The following PICALM variants were observed in gnomAD, a reference collection of about 807,000 sequenced individuals.
PICALM encodes the protein phosphatidylinositol-binding clathrin assembly protein.
A neutral mutation model predicts 80.5 loss-of-function variants in PICALM; 40 were observed. That is an observed-to-expected ratio of 0.50 (90% CI 0.39 to 0.65). PICALM has a LOEUF of 0.65. PICALM is among the 30% of genes least tolerant of loss of function. The pLI is 0.00. For synonymous variants in PICALM, 288 were observed against 260.3 expected (o/e 1.11, Z -1.02); for missense variants, 676 against 778.9 (o/e 0.87, Z 1.57).
intron 3 of PICALM, among the ~76,000 whole-genome samples, chr11:86,023,023 C>T (rs1042395960): frequency 6.6e-6 from 1 of 152,098 alleles, no homozygotes; most frequent in African/African-American, 2.4e-5. Context: ...ATGAAACTTT[C>T]TAAATGAATA....
chr11:86,027,913 T>C (rs1368081332), intron 2 of PICALM, among the ~76,000 whole-genome samples: 3 of 152,184 alleles, frequency 2.0e-5, no homozygotes, highest in Non-Finnish European at 2.9e-5. Flanking sequence ...TATTTCACAA[T>C]TATCCTAAAA....
chr11:85,962,805 T>C (rs1341180171), intron 19 of PICALM, among the ~76,000 whole-genome samples: 2 of 152,190 alleles, frequency 1.3e-5, no homozygotes, highest in Non-Finnish European at 2.9e-5. Flanking sequence ...GATGAAACCA[T>C]AGCCAGGGCT....
chr11:85,984,284 T>C (rs897025320), intron 13 of PICALM, among the ~76,000 whole-genome samples: 1 of 152,092 alleles, frequency 6.6e-6, no homozygotes, highest in Non-Finnish European at 1.5e-5. Flanking sequence ...ACTAAACACA[T>C]CTAAAATTAC....
chr11:85,975,876 C>T (rs926067782), intron 18 of PICALM, among the ~76,000 whole-genome samples: 2 of 152,038 alleles, frequency 1.3e-5, no homozygotes, highest in Admixed American at 6.6e-5. Flanking sequence ...GGATTACAGG[C>T]GTAAGCCACC....
chr11:85,961,504 G>A (rs1419804052), intron 19 of PICALM, among the ~76,000 whole-genome samples: 1 of 152,114 alleles, frequency 6.6e-6, no homozygotes, highest in African/African-American at 2.4e-5. Flanking sequence ...ATACTGTAAG[G>A]CAAGTAAACA....
chr11:86,034,446 G>A (rs866001259), intron 1 of PICALM, among the ~76,000 whole-genome samples: 2 of 151,942 alleles, frequency 1.3e-5, no homozygotes, highest in African/African-American at 2.4e-5. Context: ...CACTTATCGG[G>A]GACTCTCAAT....
chr11:86,033,831 TG>T (rs2095799625), intron 1 of PICALM, among the ~76,000 whole-genome samples: 1 of 152,194 alleles, frequency 6.6e-6, no homozygotes, highest in African/African-American at 2.4e-5. Flanking sequence ...GGTATGCATA[TG>T]GGTATTCTTA....
chr11:86,033,249 C>T (rs759515006), intron 1 of PICALM, among the ~76,000 whole-genome samples: 3 of 148,538 alleles, frequency 2.0e-5, no homozygotes, highest in African/African-American at 7.5e-5. Context: ...CAATTTAATA[C>T]TATATAGTGC....
Position 86,018,799 on chromosome 11 carries a change from G to C in PICALM, c.452+3568C>G, listed in dbSNP as rs192217998. Among the ~76,000 whole-genome samples the C allele has an allele frequency of 2.1e-4, 32 of 152,050 alleles. No individual in the cohort carries two copies. The East Asian group carries it at 6.2e-3, about 29-fold the overall frequency. On this transcript the variant is annotated intron_variant, in intron 4 of 19. Transcript: ENST00000393346. ...AACTACTTGGGAGGCTGAGACAGAA[G>C]AATCGCTTGAACCCGGGAGGTGGAG...
intron 19 of PICALM, chr11:85,960,898 G>C (rs939606442): frequency 3.0e-6 from 1 of 330,552 alleles, no homozygotes; most frequent in African/African-American, 2.3e-5. Flanking sequence ...ATAAATATAA[G>C]GGCAGTCTTT....
At chr11:85,979,242 C>A (rs2094368772) in intron 17 of PICALM, among the ~76,000 whole-genome samples, 1 of 152,152 alleles carries the variant, frequency 6.6e-6, no homozygotes, top group South Asian at 2.1e-4. Flanking sequence ...GTAATCCCAG[C>A]ACTCTGGGAG....
intron 1 of PICALM, among the ~76,000 whole-genome samples, chr11:86,053,304 G>C (rs2096219938): frequency 6.6e-6 from 1 of 152,184 alleles, no homozygotes; most frequent in African/African-American, 2.4e-5. Context: ...AAGCTGCTCA[G>C]ACATGTCCAA....
chr11:86,006,266 G>A (rs568804326), intron 8 of PICALM, among the ~76,000 whole-genome samples: 2 of 152,236 alleles, frequency 1.3e-5, no homozygotes, highest in Admixed American at 6.5e-5. Context: ...TAGATTTATT[G>A]CATACTCTTA....
Position 86,001,170 on chromosome 11 carries a change from G to C in PICALM, c.894-12C>G, listed in dbSNP as rs1211778461. Reference sequence around the variant, plus strand: ...AAAGTGTAGTTGCCCTAGGATAATTGAACAGAGATAATTTGGCTTTTTGCT... The same window carrying C: ...AAAGTGTAGTTGCCCTAGGATAATTCAACAGAGATAATTTGGCTTTTTGCT... On this transcript the variant is annotated splice_polypyrimidine_tract_variant and intron_variant, in intron 9 of 19. Coordinates refer to ENST00000393346, the MANE Select transcript of PICALM (RefSeq NM_007166.4). 1 of 1,611,122 alleles carries C rather than the reference G, an allele frequency of 6.2e-7. No homozygotes were observed. The highest frequency in any genetic ancestry group is 2.2e-5 in the East Asian group (1 of 44,852).
At chr11:86,051,523 T>C (rs984891573) in intron 1 of PICALM, among the ~76,000 whole-genome samples, 1 of 152,114 alleles carries the variant, frequency 6.6e-6, no homozygotes, top group African/African-American at 2.4e-5. Flanking sequence ...TAGCCAGGCA[T>C]GGTAGCGTGC....
At chr11:86,015,446 A>G (rs549718483) in intron 4 of PICALM, among the ~76,000 whole-genome samples, 1 of 152,336 alleles carries the variant, frequency 6.6e-6, no homozygotes, top group Non-Finnish European at 1.5e-5. Flanking sequence ...CCCAACAGCA[A>G]TGGCTTTTAA....
At chr11:85,974,046 T>TAA (rs138658992) in intron 19 of PICALM, among the ~76,000 whole-genome samples, 8 of 145,474 alleles carry the variant, frequency 5.5e-5, no homozygotes, top group South Asian at 2.2e-4. Flanking sequence ...GGTAAAACAT[T>TAA]AAAAAAAAAA....
chr11:86,018,188 G>A (rs2095509811), intron 4 of PICALM, among the ~76,000 whole-genome samples: 1 of 152,118 alleles, frequency 6.6e-6, no homozygotes, highest in Non-Finnish European at 1.5e-5. Context: ...ATGGAAAAGA[G>A]TGAAAAACCC....
intron 1 of PICALM, among the ~76,000 whole-genome samples, chr11:86,044,289 G>C (rs978600138): frequency 6.6e-6 from 1 of 152,168 alleles, no homozygotes; most frequent in African/African-American, 2.4e-5. Context: ...CAGTGGTAGT[G>C]TGTCACCAGT....
Sources: gnomAD v4.1 joint callset for allele counts (sites outside exome capture counted in the v4.1 genomes callset) on GRCh38, gnomAD v4.1.1 for gene constraint, MANE v1.5 for transcripts, NCBI Gene and HGNC (gene_info 2026-07-23, HGNC 2026-07-21) for gene names.